Variants in TDO2 observed in about 807,000 individuals in gnomAD.
The protein encoded by TDO2 is tryptamin 2,3-dioxygenase.
TDO2 carries 63 observed loss-of-function variants against 61.2 expected under a neutral mutation model. The observed-to-expected ratio is 1.03, with a 90% confidence interval of 0.84 to 1.27. TDO2 has a LOEUF of 1.27. TDO2 is among the 50% of genes most tolerant of loss of function. TDO2 has a pLI of 0.00. For missense variants in TDO2, 494 were observed against 469.5 expected (o/e 1.05, Z -0.48); for synonymous variants, 183 against 164.0 (o/e 1.12, Z -0.89).
At chr4:155,912,147 T>G (rs1428905313) in intron 7 of TDO2, among the ~76,000 whole-genome samples, 1 of 152,196 alleles carries the variant, frequency 6.6e-6, no homozygotes, top group Non-Finnish European at 1.5e-5. Flanking sequence ...GCTGAAAGCA[T>G]AGACTTTGAA....
At chr4:155,909,725 T>A (rs1742782267) in intron 5 of TDO2, among the ~76,000 whole-genome samples, 1 of 151,932 alleles carries the variant, frequency 6.6e-6, no homozygotes, top group Non-Finnish European at 1.5e-5. Context: ...TCTAGACAGT[T>A]GTGTGTATCT....
intron 7 of TDO2, 47 bp from the exon 8 acceptor site, chr4:155,914,276 T>A: frequency 7.1e-7 from 1 of 1,409,968 alleles, no homozygotes; most frequent in Non-Finnish European, 9.7e-7. Flanking sequence ...AAAATATCAA[T>A]CTACTTATTC....
At chr4:155,905,763 C>A (rs1279368949) in intron 3 of TDO2, 1 of 152,138 alleles carries the variant, frequency 6.6e-6, no homozygotes, top group Non-Finnish European at 1.5e-5. Context: ...TTTTCAGTAC[C>A]ACTATACTGA....
intron 10 of TDO2, 43 bp from the exon 11 acceptor site, chr4:155,918,106 T>A: frequency 1.9e-6 from 3 of 1,577,366 alleles, no homozygotes; most frequent in Non-Finnish European, 2.6e-6. Context: ...GTGGAACTAA[T>A]GGTGGAAAAA....
At position 155,909,012 on chromosome 4, in the gene TDO2, C is replaced by G; in HGVS notation, c.429C>G (p.Phe143Leu). Residue 143 changes from phenylalanine to leucine, a missense_variant and splice_region_variant, in exon 5 of 12, where the codon TTC becomes TTG. By Grantham distance (22) the Phe-to-Leu change is conservative. Coordinates refer to ENST00000536354, the MANE Select transcript of TDO2 (RefSeq NM_005651.4). The part of the protein sequence containing the change: ...ETMTALDFND[F>L]REYLSPASGF... ...TGACAGCCTTGGACTTCAATGACTT[C>G]AGGTGTGCACATTTGGCATTTTAAA... 1 of 1,593,520 alleles carries G rather than the reference C, an allele frequency of 6.3e-7. No individual in the cohort carries two copies. The highest frequency in any genetic ancestry group is 1.4e-5 in the African/African-American group (1 of 73,846).
At position 155,904,989 on chromosome 4, in the gene TDO2, T is replaced by G. The variant is rs1379481750; in HGVS notation, c.142-78T>G. 1.1e-5 allele frequency: 11 copies of G among 972,800 alleles called. No homozygotes were observed. In the Admixed American group the frequency reaches 3.4e-4, roughly 30 times the overall value. The allele number at this position is 972,800 out of a possible 1,614,324, so 60.3% of individuals were successfully genotyped here. The stretch of plus-strand genomic sequence containing the variant: ...GAGTTTGGAGGAGCATTTGTCATTA[T>G]CATATTCTACTTCTTACTAAAGTTC... On this transcript the variant is annotated intron_variant, in intron 2 of 11. Coordinates refer to ENST00000536354, the MANE Select transcript of TDO2 (RefSeq NM_005651.4).
At position 155,907,756 on chromosome 4, in the gene TDO2, G is replaced by A. The variant is rs1264869084; in HGVS notation, c.267G>A (p.Glu89=). 1 of 1,613,526 alleles carries A rather than the reference G, an allele frequency of 6.2e-7. No homozygotes were observed. The highest frequency in any genetic ancestry group is 2.2e-5 in the East Asian group (1 of 44,756). ...TCTGGTTTAAGCAAATCCTCTGGGA[G>A]TTGGATTCTGTTCGAGAGATCTTTC... ...YELWFKQILW[E]LDSVREIFQN... The change falls in exon 4 of 12, where the codon GAG becomes GAA. Residue 89 remains glutamate, a synonymous_variant. Transcript: ENST00000536354.
chr4:155,916,516 G>A (rs1289414716), intron 9 of TDO2, among the ~76,000 whole-genome samples: 5 of 151,688 alleles, frequency 3.3e-5, no homozygotes, highest in Non-Finnish European at 7.4e-5. Flanking sequence ...ACTCACTCAT[G>A]AAATGTGTTC....
intron 8 of TDO2, 48 bp from the exon 9 acceptor site, chr4:155,915,807 A>T: frequency 5.2e-6 from 8 of 1,524,064 alleles, no homozygotes; most frequent in Non-Finnish European, 7.2e-6. Flanking sequence ...TTAATACAAA[A>T]TTACCTTAAA....
intron 9 of TDO2, among the ~76,000 whole-genome samples, chr4:155,916,955 A>AAAAAC (rs906484942): frequency 2.9e-4 from 44 of 152,214 alleles, no homozygotes; most frequent in African/African-American, 7.0e-4. Flanking sequence ...ATAGATGTAA[A>AAAAAC]AAAACAAAAC....
At chr4:155,909,838 C>T (rs1341440348) in intron 5 of TDO2, among the ~76,000 whole-genome samples, 187 bp from the exon 6 acceptor site, 1 of 133,436 alleles carries the variant, frequency 7.5e-6, no homozygotes, top group Non-Finnish European at 1.6e-5. Flanking sequence ...TCTCTCCTCT[C>T]CTCTCCTCTC....
At chr4:155,909,071 G>T (rs1290577727) in intron 5 of TDO2, 57 bp downstream of exon 5, 18 of 1,507,094 alleles carry the variant, frequency 1.2e-5, no homozygotes, top group Non-Finnish European at 1.6e-5. Flanking sequence ...CATTTTGGTG[G>T]GGTAAAAGCA....
chr4:155,903,971 T>C, intron 1 of TDO2, 47 bp from the exon 2 acceptor site: 3 of 1,553,252 alleles, frequency 1.9e-6, no homozygotes, highest in Non-Finnish European at 2.7e-6. Context: ...TAGTTAACTG[T>C]GTTTTCTAAA....
chr4:155,911,920 G>A (rs577229058), intron 7 of TDO2, among the ~76,000 whole-genome samples: 28 of 152,194 alleles, frequency 1.8e-4, no homozygotes, highest in Admixed American at 7.8e-4. Flanking sequence ...GTGGACTAAC[G>A]AACCAAATCT....
intron 5 of TDO2, among the ~76,000 whole-genome samples, chr4:155,909,813 T>C (rs1742783848): frequency 6.7e-6 from 1 of 148,312 alleles, no homozygotes; most frequent in Admixed American, 6.9e-5. Context: ...TGGTTGATAA[T>C]GTCAGCTCTT....
intron 3 of TDO2, chr4:155,905,840 C>T (rs1742708833): frequency 1.3e-5 from 2 of 152,096 alleles, no homozygotes; most frequent in South Asian, 4.1e-4. Context: ...TGTTTCCCTG[C>T]CTTACCAATT....
At chr4:155,903,968 C>G (rs1030620239) in intron 1 of TDO2, 50 bp from the exon 2 acceptor site, 8 of 1,547,952 alleles carry the variant, frequency 5.2e-6, no homozygotes, top group Non-Finnish European at 7.1e-6. Flanking sequence ...CATTAGTTAA[C>G]TGTGTTTTCT....
chr4:155,904,447 C>T (rs1222827785), intron 2 of TDO2, among the ~76,000 whole-genome samples: 1 of 152,154 alleles, frequency 6.6e-6, no homozygotes. Context: ...TAATAAATGT[C>T]AGCCTAGATA....
rs777703497 is a variant in TDO2 at position 155,914,301 on chromosome 4, TA to T, written c.727-20del. The T allele has an allele frequency of 1.0e-3, 1,607 of 1,566,102 alleles. 1 individual carries two copies. The highest frequency in any genetic ancestry group is 1.3e-3 in the Non-Finnish European group (1,526 of 1,149,780). Reference sequence around the variant, plus strand: ...TCTACTTATTCTCTCTCAGGACTATTAATGCCATATTTTTCCTAAAGGCTAA... The same window carrying T: ...TCTACTTATTCTCTCTCAGGACTATTATGCCATATTTTTCCTAAAGGCTAA... On this transcript the variant is annotated intron_variant, in intron 7 of 11. Coordinates refer to ENST00000536354, the MANE Select transcript of TDO2 (RefSeq NM_005651.4).
Sources: gnomAD v4.1 joint callset for allele counts (sites outside exome capture counted in the v4.1 genomes callset) on GRCh38, gnomAD v4.1.1 for gene constraint, MANE v1.5 for transcripts, NCBI Gene and HGNC (gene_info 2026-07-23, HGNC 2026-07-21) for gene names.